TEX10: variants seen among roughly 807,000 people sequenced by gnomAD.
TEX10 encodes testis-expressed protein 10.
Under a neutral mutation model 104.4 loss-of-function variants are expected in TEX10, and 24 were observed. The observed-to-expected ratio is 0.23, with a 90% CI of 0.17 to 0.32. The LOEUF (loss-of-function observed/expected upper bound fraction) is 0.32. Ranked by LOEUF, TEX10 falls within the 10% of genes least tolerant of loss-of-function variation. The pLI, the probability that TEX10 is intolerant of heterozygous loss-of-function variation, is 1.00. For missense variants in TEX10, 921 were observed against 1,083.9 expected, an observed-to-expected ratio of 0.85 and a Z score of 2.11; for synonymous variants, 396 against 393.4, an observed-to-expected ratio of 1.01 and a Z score of -0.08.
At chr9:100,331,594 T>C (rs1834864421) in intron 5 of TEX10, among the ~76,000 whole-genome samples, 1 of 152,194 alleles carries the variant, frequency 6.6e-6, no homozygotes, top group Non-Finnish European at 1.5e-5. Context: ...AAATCTGGCA[T>C]TATCAAGCAT....
At chr9:100,318,816 C>T (rs1338115187) in intron 11 of TEX10, among the ~76,000 whole-genome samples, 1 of 152,198 alleles carries the variant, frequency 6.6e-6, no homozygotes, top group Non-Finnish European at 1.5e-5. Context: ...ACAGCCCCAG[C>T]TACTCAGAAG....
intron 13 of TEX10, chr9:100,307,162 T>C (rs1436747605): frequency 1.3e-5 from 2 of 152,324 alleles, no homozygotes; most frequent in South Asian, 2.1e-4. Context: ...TGGAAAAAAT[T>C]TGAATGCTGA....
intron 6 of TEX10, 49 bp downstream of exon 6, chr9:100,329,882 C>T: frequency 6.9e-7 from 1 of 1,447,324 alleles, no homozygotes; most frequent in Non-Finnish European, 9.5e-7. Flanking sequence ...CTTAAGATAG[C>T]ACATGTAAGA....
At chr9:100,350,157 A>G (rs1835405522) in intron 1 of TEX10, among the ~76,000 whole-genome samples, 1 of 152,332 alleles carries the variant, frequency 6.6e-6, no homozygotes, top group South Asian at 2.1e-4. Flanking sequence ...CTCCCCCTCT[A>G]TACCACATTC....
intron 14 of TEX10, among the ~76,000 whole-genome samples, chr9:100,303,240 A>G (rs1834051834): frequency 6.6e-6 from 1 of 152,220 alleles, no homozygotes; most frequent in Non-Finnish European, 1.5e-5. Flanking sequence ...TTTTACAGAT[A>G]GGAAAACAAG....
At chr9:100,319,335 CTTTAA>C (rs1010931948) in intron 11 of TEX10, among the ~76,000 whole-genome samples, 9 of 152,078 alleles carry the variant, frequency 5.9e-5, no homozygotes, top group African/African-American at 1.4e-4. Context: ...ATATTTATAT[CTTTAA>C]TTTATTAAAT....
At position 100,314,096 on chromosome 9, in the gene TEX10, T is replaced by C. The variant is rs1008465212; in HGVS notation, c.2203-3717A>G. ...TGTTCTTTGGAGATTTTTCTTTTTT[T>C]TTTTTTTTTGAGACAGAGTCTCGCT... On this transcript the variant is annotated intron_variant, in intron 11 of 14. Coordinates refer to ENST00000374902, the MANE Select transcript of TEX10 (RefSeq NM_017746.4). Among the ~76,000 whole-genome samples, 92 of 150,754 alleles carry C rather than the reference T, an allele frequency of 6.1e-4. 1 individual carries two copies. The highest frequency in any genetic ancestry group is 2.2e-3 in the African/African-American group (89 of 41,154).
Position 100,350,476 on chromosome 9 carries a change from A to G in TEX10, c.-9-1104T>C, listed in dbSNP as rs150149590. Among the ~76,000 whole-genome samples, 17 of 152,226 alleles carry G rather than the reference A, an allele frequency of 1.1e-4. No homozygotes were observed. The East Asian group carries it at 3.3e-3, about 29-fold the overall frequency. On this transcript the variant is annotated intron_variant, in intron 1 of 14. Coordinates refer to ENST00000374902, the MANE Select transcript of TEX10 (RefSeq NM_017746.4). Reference sequence around the variant, plus strand: ...CCATCCTCTCCAGCTTTATCTTCCCACAAGCTAATCTCTATCTAAAACAAT... The same window carrying G: ...CCATCCTCTCCAGCTTTATCTTCCCGCAAGCTAATCTCTATCTAAAACAAT...
In TEX10 at chr9:100,349,909, T is replaced by C. The variant is rs141222697; in HGVS notation, c.-9-537A>G. ...TTCAAATACACAGCAAGGAGAATAA[T>C]AGGCCTTTCAAGAGCAAGGAAAACA... is the stretch of plus-strand genomic sequence containing the variant. On this transcript the variant is annotated intron_variant, in intron 1 of 14. Coordinates refer to ENST00000374902, the MANE Select transcript of TEX10 (RefSeq NM_017746.4). Among the ~76,000 whole-genome samples the C allele has an allele frequency of 3.6e-3, 545 of 152,250 alleles. 2 individuals carry two copies. The highest frequency in any genetic ancestry group is 0.012 in the African/African-American group (508 of 41,538).
intron 4 of TEX10, among the ~76,000 whole-genome samples, chr9:100,340,635 A>C (rs1835150172): frequency 6.6e-6 from 1 of 152,210 alleles, no homozygotes; most frequent in South Asian, 2.1e-4. Context: ...TCTGAGACTT[A>C]AGAAAATTCT....
At chr9:100,332,432 T>C (rs1394843133) in intron 5 of TEX10, among the ~76,000 whole-genome samples, 1 of 152,124 alleles carries the variant, frequency 6.6e-6, no homozygotes, top group Non-Finnish European at 1.5e-5. Context: ...TACAGAAATT[T>C]CAAAGACTAA....
intron 4 of TEX10, among the ~76,000 whole-genome samples, chr9:100,342,094 A>G (rs1258941049): frequency 6.6e-6 from 1 of 152,134 alleles, no homozygotes; most frequent in African/African-American, 2.4e-5. Flanking sequence ...CATTCTTCAA[A>G]TATGCGAAGC....
intron 11 of TEX10, among the ~76,000 whole-genome samples, chr9:100,317,998 A>G (rs1225385201): frequency 6.6e-6 from 1 of 152,166 alleles, no homozygotes; most frequent in African/African-American, 2.4e-5. Context: ...AGGATGCAGA[A>G]CTTACACACT....
rs1230844541 is a variant in TEX10 at position 100,346,943 on chromosome 9, T to C, written c.644A>G (p.Asn215Ser). 5 of 1,614,088 alleles carry C rather than the reference T, an allele frequency of 3.1e-6. No individual in the cohort carries two copies. The highest frequency in any genetic ancestry group is 2.2e-5 in the East Asian group (1 of 44,898). The change falls in exon 3 of 15, where the codon AAT (asparagine) becomes AGT (serine). Residue 215 changes from asparagine to serine, a missense_variant. Asn to Ser is a conservative substitution (Grantham distance 46). Around this residue, in one of 3 missense-constraint regions of TEX10, gnomAD observed 753 missense variants for 868.4 expected, o/e 0.87. Coordinates refer to ENST00000374902, the MANE Select transcript of TEX10 (RefSeq NM_017746.4). The stretch of plus-strand genomic sequence containing the variant: ...CCATTGCTGAGAAGTGAGTCTCCGA[T>C]TAGGATTTACAGAAAGTATCCAGGA... ...SQSWILSVNP[N>S]RRLTSQQWRL...
At chr9:100,330,205 C>G in intron 5 of TEX10, 36 bp from the exon 6 acceptor site, 1 of 1,399,818 alleles carries the variant, frequency 7.1e-7, no homozygotes, top group Non-Finnish European at 9.9e-7. Context: ...TAAAGCATTA[C>G]GTCTACCATG....
chr9:100,352,703 G>T, intron 1 of TEX10, 69 bp downstream of exon 1: 6 of 1,306,994 alleles, frequency 4.6e-6, no homozygotes, highest in Non-Finnish European at 5.8e-6. Context: ...CGGATCGGGG[G>T]GCGACGGCCC....
chr9:100,327,806 A>G lies in TEX10; in HGVS notation c.1782T>C (p.Ala594=). Residue 594 remains alanine (A), a synonymous_variant, in exon 8 of 15, where the codon GCT becomes GCC. Transcript: ENST00000374902. ...ANKELLKSLQ[A]TALRIYDPQE... The stretch of plus-strand genomic sequence containing the variant: ...TCTTACCATAAATTCGGAGGGCAGT[A>G]GCTTGTAAACTTTTTAGTAATTCTT... 6.3e-7 allele frequency: 1 copy of G among 1,587,776 alleles called. No homozygotes were observed. Among genetic ancestry groups the G allele is most frequent in the Non-Finnish European group, 8.6e-7 (1 of 1,162,578 alleles).
At chr9:100,308,874 T>C (rs1564202457) in intron 12 of TEX10, among the ~76,000 whole-genome samples, 193 bp from the exon 13 acceptor site, 1 of 152,198 alleles carries the variant, frequency 6.6e-6, no homozygotes, top group Admixed American at 6.5e-5. Flanking sequence ...TTATATGACT[T>C]TGAAAACATG....
intron 13 of TEX10, chr9:100,306,404 A>C (rs1197362710): frequency 6.6e-6 from 1 of 152,232 alleles, no homozygotes; most frequent in Non-Finnish European, 1.5e-5. Context: ...TAAAGAGAGA[A>C]CAGTAAAAAT....
Sources: allele counts gnomAD v4.1 joint callset (sites outside exome capture counted in the v4.1 genomes callset), GRCh38; gene constraint gnomAD v4.1.1; regional missense constraint gnomAD v4.1.1; transcripts MANE v1.5; gene names NCBI Gene and HGNC (gene_info 2026-07-23, HGNC 2026-07-21).